Variants in RNF170 observed in about 807,000 individuals in gnomAD.
The protein encoded by RNF170 is E3 ubiquitin-protein ligase RNF170.
Under a neutral mutation model 32.7 loss-of-function variants are expected in RNF170, and 12 were observed. The ratio of observed to expected loss-of-function variants is 0.37; its 90% CI spans 0.24 to 0.60. RNF170 has a LOEUF of 0.60. Among genes scored for constraint, RNF170 ranks in the 20% least tolerant of loss-of-function variants. The probability of loss-of-function intolerance (pLI) is 0.72; values close to 1 mark genes in which losing one functional copy is unlikely to be tolerated. For synonymous variants in RNF170, 91 were observed against 103.6 expected (o/e 0.88, Z 0.74); for missense variants, 212 against 311.2 (o/e 0.68, Z 2.40).
chr8:42,850,874 G>A (rs1356237092), downstream of RNF170: 3 of 1,551,672 alleles, frequency 1.9e-6, no homozygotes, highest in African/African-American at 2.7e-5. Context: ...ATTCGGTCAT[G>A]GGGTATATGC....
At chr8:42,888,645 C>T (rs1421942353) in intron 1 of RNF170, among the ~76,000 whole-genome samples, 1 of 151,944 alleles carries the variant, frequency 6.6e-6, no homozygotes, top group Non-Finnish European at 1.5e-5. Context: ...GTAATGTCAG[C>T]TACTCTGGAG....
In RNF170 at chr8:42,863,282, A is replaced by G. The variant is rs540046610; in HGVS notation, c.397-1427T>C. Among the ~76,000 whole-genome samples the G allele has an allele frequency of 1.6e-4, 24 of 152,194 alleles. No individual in the cohort carries two copies. In the South Asian group the frequency reaches 5.0e-3, roughly 32 times the overall value. ...ATTTATGGATGGTACACAGGATACC[A>G]CTGGCTACTGTACACATGTCCTATG... On this transcript the variant is annotated intron_variant, in intron 5 of 6. Coordinates refer to ENST00000527424, the MANE Select transcript of RNF170 (RefSeq NM_030954.4).
chr8:42,867,263 G>A (rs1804152800), intron 4 of RNF170, among the ~76,000 whole-genome samples: 2 of 151,068 alleles, frequency 1.3e-5, no homozygotes, highest in African/African-American at 4.9e-5. Context: ...CCTGAGGTTG[G>A]GAGTTCGAGA....
intron 1 of RNF170, among the ~76,000 whole-genome samples, chr8:42,888,679 A>C (rs920727549): frequency 6.6e-6 from 1 of 152,016 alleles, no homozygotes; most frequent in African/African-American, 2.4e-5. Context: ...AATCGCTTGA[A>C]CCTGGGAGGC....
intron 2 of RNF170, among the ~76,000 whole-genome samples, chr8:42,874,599 G>A (rs1246990610): frequency 1.3e-5 from 2 of 151,948 alleles, no homozygotes; most frequent in South Asian, 2.1e-4. Context: ...AAAATTAGCC[G>A]GGCTTGGTGG....
chr8:42,873,388 G>A (rs1208372808), intron 3 of RNF170, among the ~76,000 whole-genome samples: 3 of 152,002 alleles, frequency 2.0e-5, no homozygotes, highest in African/African-American at 4.8e-5. Flanking sequence ...TTAGCCTGAA[G>A]GTGTACAATA....
chr8:42,858,397 C>T (rs1803403044), intron 6 of RNF170, among the ~76,000 whole-genome samples: 2 of 152,146 alleles, frequency 1.3e-5, no homozygotes, highest in Non-Finnish European at 2.9e-5. Context: ...TTAATATATT[C>T]GGCTGGGAGC....
At position 42,853,477 on chromosome 8, in the gene RNF170, G is replaced by T. The variant is rs750281595; in HGVS notation, c.*2682C>A. On this transcript the variant is annotated 3_prime_UTR_variant, in exon 7 of 7. Transcript: ENST00000527424. ...TTGTACCTCTCAAACACTGAGAATT[G>T]TAGTAGTTGAAACCACTGTTCTAGT... 1 of 1,287,080 alleles carries T rather than the reference G, an allele frequency of 7.8e-7. No individual in the cohort carries two copies. Among genetic ancestry groups the T allele is most frequent in the Admixed American group, 2.3e-5 (1 of 43,538 alleles). 79.7% of individuals were successfully genotyped at this position (1,287,080 alleles called of 1,614,324 possible). A position where few individuals can be genotyped will look rare whatever the true frequency, so the allele number is the denominator to read the frequency against.
intron 3 of RNF170, among the ~76,000 whole-genome samples, chr8:42,870,712 G>A (rs552767067): frequency 6.6e-6 from 1 of 152,182 alleles, no homozygotes; most frequent in Non-Finnish European, 1.5e-5. Flanking sequence ...CTAGGTGACA[G>A]AGCGAGACCC....
chr8:42,894,014 T>C (rs751040718), intron 1 of RNF170, among the ~76,000 whole-genome samples: 4 of 151,398 alleles, frequency 2.6e-5, no homozygotes, highest in Non-Finnish European at 4.4e-5. Context: ...ACAGAGAAAA[T>C]AGAAAAATAG....
intron 6 of RNF170, among the ~76,000 whole-genome samples, chr8:42,858,461 G>C (rs1803408755): frequency 6.6e-6 from 1 of 152,122 alleles, no homozygotes; most frequent in African/African-American, 2.4e-5. Flanking sequence ...ACACATTAAG[G>C]CACCAAATTT....
In RNF170 at chr8:42,861,862, A is replaced by G. The variant is rs1158328738; in HGVS notation, c.397-7T>C. ...CTGTTAGGAGTAAGGTTACCTGTAT[A>G]TTACAGAAAAAAAAATTATTTCAAC... On this transcript the variant is annotated splice_polypyrimidine_tract_variant and splice_region_variant and intron_variant, in intron 5 of 6. Transcript: ENST00000527424. 1.2e-6 allele frequency: 2 copies of G among 1,601,530 alleles called. No homozygotes were observed. The highest frequency in any genetic ancestry group is 4.5e-5 in the East Asian group (2 of 44,738).
At chr8:42,867,802 AAAAG>A (rs1242290753) in intron 4 of RNF170, among the ~76,000 whole-genome samples, 1 of 151,082 alleles carries the variant, frequency 6.6e-6, no homozygotes, top group Non-Finnish European at 1.5e-5. Context: ...AAAAAAAAGA[AAAAG>A]AAATACAAAA....
chr8:42,876,041 TA>T (rs1442022265), intron 2 of RNF170, among the ~76,000 whole-genome samples: 1 of 152,074 alleles, frequency 6.6e-6, no homozygotes, highest in Non-Finnish European at 1.5e-5. Flanking sequence ...AATACCTAGC[TA>T]AATGGCATTT....
intron 2 of RNF170, among the ~76,000 whole-genome samples, chr8:42,880,727 G>A (rs577435292): frequency 6.6e-6 from 1 of 151,794 alleles, no homozygotes; most frequent in Non-Finnish European, 1.5e-5. Context: ...CTGAGATCAC[G>A]CCACTGCACT....
chr8:42,893,736 T>C (rs1424273614), intron 1 of RNF170, among the ~76,000 whole-genome samples: 1 of 152,212 alleles, frequency 6.6e-6, no homozygotes, highest in Non-Finnish European at 1.5e-5. Context: ...TGTTTTGATA[T>C]GATAAAAACT....
chr8:42,860,678 C>T (rs988776359), intron 6 of RNF170, among the ~76,000 whole-genome samples: 12 of 151,640 alleles, frequency 7.9e-5, no homozygotes, highest in African/African-American at 2.7e-4. Context: ...CCACCTCAGC[C>T]TCCCAAAGTG....
At chr8:42,897,230 C>T (rs964083982), upstream of RNF170, 6 of 1,203,112 alleles carry the variant, frequency 5.0e-6, no homozygotes, top group African/African-American at 7.9e-5. Flanking sequence ...CCCCTCCCCC[C>T]GCCACCTACC....
At chr8:42,882,609 G>T (rs891018148) in intron 2 of RNF170, among the ~76,000 whole-genome samples, 25 of 152,282 alleles carry the variant, frequency 1.6e-4, no homozygotes, top group African/African-American at 5.8e-4. Flanking sequence ...AGTGAAACAA[G>T]TTAAACACAA....
Sources: gnomAD v4.1 joint callset for allele counts (sites outside exome capture counted in the v4.1 genomes callset) on GRCh38, gnomAD v4.1.1 for gene constraint, MANE v1.5 for transcripts, NCBI Gene and HGNC (gene_info 2026-07-23, HGNC 2026-07-21) for gene names.